HECW2: variants seen among roughly 807,000 people sequenced by gnomAD.
The protein encoded by HECW2 is HECT, C2 and WW domain containing E3 ubiquitin protein ligase 2.
Under a neutral mutation model 175.2 loss-of-function variants are expected in HECW2, and 61 were observed. The observed-to-expected ratio is 0.35, with a 90% CI of 0.28 to 0.43. HECW2 has a LOEUF of 0.43. Ranked by LOEUF, HECW2 falls within the 20% of genes least tolerant of loss-of-function variation. The probability of loss-of-function intolerance (pLI) is 1.00; values close to 1 mark genes in which losing one functional copy is unlikely to be tolerated. For missense variants in HECW2, 1,524 were observed against 2,000.5 expected (o/e 0.76, Z 4.54); for synonymous variants, 671 against 731.0 (o/e 0.92, Z 1.32).
intron 1 of HECW2, among the ~76,000 whole-genome samples, chr2:196,539,722 C>A (rs1204054004): frequency 6.6e-6 from 1 of 152,184 alleles, no homozygotes. Flanking sequence ...CTTGAACTTG[C>A]CTTAAATCTT....
At chr2:196,541,014 CT>C (rs1689193477) in intron 1 of HECW2, among the ~76,000 whole-genome samples, 1 of 152,160 alleles carries the variant, frequency 6.6e-6, no homozygotes. Context: ...CAATCAGTAT[CT>C]TTATACTACA....
intron 2 of HECW2, among the ~76,000 whole-genome samples, chr2:196,375,316 G>C (rs924906761): frequency 6.6e-6 from 1 of 152,072 alleles, no homozygotes; most frequent in Non-Finnish European, 1.5e-5. Flanking sequence ...AATATTAAAA[G>C]AATTCGGAGT....
chr2:196,263,843 A>G (rs1689406109), intron 17 of HECW2: 2 of 152,258 alleles, frequency 1.3e-5, no homozygotes, highest in South Asian at 4.1e-4. Context: ...ACATAATTAT[A>G]GAATGCAAAT....
At chr2:196,257,968 G>A in intron 17 of HECW2, 62 bp from the exon 18 acceptor site, 2 of 1,181,310 alleles carry the variant, frequency 1.7e-6, no homozygotes, top group Middle Eastern at 1.9e-4. Flanking sequence ...TAACTCAGTA[G>A]TAAAGAGCAT....
intron 1 of HECW2, among the ~76,000 whole-genome samples, chr2:196,483,094 TA>T (rs370614949): frequency 0.064 from 7,058 of 110,350 alleles, 168 homozygotes; most frequent in South Asian, 0.12. Context: ...TTCATAGTTG[TA>T]AAAAAAAAAA....
chr2:196,285,049 C>T (rs933923877), intron 14 of HECW2, among the ~76,000 whole-genome samples: 3 of 152,184 alleles, frequency 2.0e-5, no homozygotes, highest in Non-Finnish European at 2.9e-5. Context: ...TTAAAAACAT[C>T]TACCCTTTCA....
chr2:196,482,776 T>C (rs575700310), intron 1 of HECW2, among the ~76,000 whole-genome samples: 68 of 152,230 alleles, frequency 4.5e-4, no homozygotes, highest in African/African-American at 8.7e-4. Context: ...AATTCAAGAA[T>C]AAAATCACTA....
At chr2:196,417,425 A>G (rs1487920291) in intron 2 of HECW2, among the ~76,000 whole-genome samples, 1 of 152,218 alleles carries the variant, frequency 6.6e-6, no homozygotes, top group Non-Finnish European at 1.5e-5. Flanking sequence ...GAATTTTACA[A>G]GTAATAATCC....
At chr2:196,510,920 T>A (rs928565288) in intron 1 of HECW2, among the ~76,000 whole-genome samples, 3 of 152,100 alleles carry the variant, frequency 2.0e-5, no homozygotes, top group Admixed American at 1.3e-4. Context: ...AAAATGGGAA[T>A]TTTTGTTTGT....
At chr2:196,381,524 T>C (rs1241140294) in intron 2 of HECW2, among the ~76,000 whole-genome samples, 1 of 152,042 alleles carries the variant, frequency 6.6e-6, no homozygotes, top group Non-Finnish European at 1.5e-5. Context: ...AAGAAGCAGG[T>C]TCCAGTCTAT....
chr2:196,461,717 A>G (rs1696751704), intron 1 of HECW2, among the ~76,000 whole-genome samples: 1 of 152,140 alleles, frequency 6.6e-6, no homozygotes, highest in Non-Finnish European at 1.5e-5. Flanking sequence ...GGGAAAATGA[A>G]TGCAGGAGGA....
rs574758169 is a variant in HECW2, at chr2:196,266,309, T to C, written c.3335+4884A>G. ...CTGCAGTCAGCTGTGATCGCGACAC[T>C]ACACTGCAGCCTGGGCAACAGAGTG... On this transcript the variant is annotated intron_variant, in intron 17 of 28. Coordinates refer to ENST00000644978, the MANE Select transcript of HECW2 (RefSeq NM_001348768.2). Among the ~76,000 whole-genome samples, 3 of 151,266 alleles carry C rather than the reference T, an allele frequency of 2.0e-5. No individual in the cohort carries two copies. The East Asian group carries it at 5.8e-4, about 29-fold the overall frequency.
Position 196,253,792 on chromosome 2 carries a change from T to G in HECW2, c.3529+128A>C, listed in dbSNP as rs115895802. The stretch of plus-strand genomic sequence containing the variant: ...TCTTACGAGACAGGAAATGCACACG[T>G]GTATCTGTGCTAACACCAAAGATGT... On this transcript the variant is annotated intron_variant, in intron 19 of 28. Coordinates refer to ENST00000644978, the MANE Select transcript of HECW2 (RefSeq NM_001348768.2). 1,360 of 757,808 alleles carry G rather than the reference T, an allele frequency of 1.8e-3. 11 individuals are homozygous for G. The African/African-American group carries it at 0.022, about 12-fold the overall frequency. 46.9% of individuals were successfully genotyped at this position (757,808 alleles called of 1,614,324 possible). A position where few individuals can be genotyped will look rare whatever the true frequency, so the allele number is the denominator to read the frequency against.
intron 16 of HECW2, 97 bp from the exon 17 acceptor site, chr2:196,271,386 C>A (rs2105963676): frequency 1.2e-6 from 1 of 801,194 alleles, no homozygotes; most frequent in South Asian, 1.6e-5. Flanking sequence ...CGGGTTCAAG[C>A]AATTTTCCTG....
chr2:196,377,575 G>T (rs776815413), intron 2 of HECW2, among the ~76,000 whole-genome samples: 1 of 152,154 alleles, frequency 6.6e-6, no homozygotes, highest in African/African-American at 2.4e-5. Flanking sequence ...GCATGGGAAA[G>T]ACCCACCTCC....
At position 196,433,262 on chromosome 2, in the gene HECW2, A is replaced by C. The variant is rs143689433; in HGVS notation, c.162T>G (p.Thr54=). The C allele has an allele frequency of 1.9e-5, 31 of 1,614,174 alleles. No individual in the cohort carries two copies. The highest frequency in any genetic ancestry group is 3.3e-4 in the Middle Eastern group (2 of 6,062). ...CAGTTAAGCTGGAGCGGCTCTCAGA[A>C]GTCACCAGGTCGGTGTCGCTGTTGG... The part of the protein sequence containing the change: ...QRANSDTDLV[T]SESRSSLTAS... The change falls in exon 2 of 29, where the codon ACT becomes ACG. Residue 54 remains threonine (T), a synonymous_variant. Transcript: ENST00000644978.
chr2:196,276,277 A>C (rs1270319719), intron 15 of HECW2, among the ~76,000 whole-genome samples: 1 of 152,074 alleles, frequency 6.6e-6, no homozygotes, highest in African/African-American at 2.4e-5. Flanking sequence ...GGAGGGCTGG[A>C]CACTCAGTCT....
rs868569218 is a variant in HECW2 at position 196,275,889 on chromosome 2, A to G, written c.3136-1766T>C. On this transcript the variant is annotated intron_variant, in intron 15 of 28. Coordinates refer to ENST00000644978, the MANE Select transcript of HECW2 (RefSeq NM_001348768.2). ...GACATCAATATTTCTACTGAATGGA[A>G]TATTTGCTGAAGGAATATAAGACAG... Among the ~76,000 whole-genome samples, 4 of 152,310 alleles carry G rather than the reference A, an allele frequency of 2.6e-5. 1 individual carries two copies. The highest frequency in any genetic ancestry group is 6.8e-3 in the Middle Eastern group (2 of 294).
chr2:196,363,397 C>T (rs1693655199), intron 2 of HECW2, among the ~76,000 whole-genome samples: 1 of 151,962 alleles, frequency 6.6e-6, no homozygotes, highest in Admixed American at 6.6e-5. Context: ...TTTAAAGTCT[C>T]ATCTGAAAGA....
Sources: gnomAD v4.1 joint callset for allele counts (sites outside exome capture counted in the v4.1 genomes callset) on GRCh38, gnomAD v4.1.1 for gene constraint, MANE v1.5 for transcripts, NCBI Gene and HGNC (gene_info 2026-07-23, HGNC 2026-07-21) for gene names.